Variants in RNF149 observed in about 807,000 individuals in gnomAD.
RNF149 encodes E3 ubiquitin-protein ligase RNF149.
In RNF149, 21 loss-of-function variants were observed where a neutral mutation model predicts 39.0. The observed-to-expected ratio is 0.54, with a 90% CI of 0.38 to 0.77. The LOEUF is 0.77. Ranked by LOEUF, RNF149 falls within the 30% of genes least tolerant of loss-of-function variation. The pLI, the probability that RNF149 is intolerant of heterozygous loss-of-function variation, is 0.00. For missense variants in RNF149, 493 were observed against 534.9 expected, an observed-to-expected ratio of 0.92 and a Z score of 0.77; for synonymous variants, 209 against 213.6, an observed-to-expected ratio of 0.98 and a Z score of 0.19.
At chr2:101,298,294 G>A (rs529389645) in intron 1 of RNF149, among the ~76,000 whole-genome samples, 2 of 152,226 alleles carry the variant, frequency 1.3e-5, no homozygotes, top group South Asian at 4.1e-4. Context: ...GTGTGGTGGT[G>A]CATGTCTGTA....
In RNF149 at chr2:101,294,080, G is replaced by T. The variant is rs779959151; in HGVS notation, c.714C>A (p.Ser238Arg). The T allele has an allele frequency of 2.0e-6, 3 of 1,532,096 alleles. No homozygotes were observed. Among genetic ancestry groups the T allele is most frequent in the Non-Finnish European group, 1.8e-6 (2 of 1,109,050 alleles). The allele number at this position is 1,532,096 out of a possible 1,614,324, so 94.9% of individuals were successfully genotyped here. A position where few individuals can be genotyped will look rare whatever the true frequency, so the allele number is the denominator to read the frequency against. Residue 238 changes from serine (S) to arginine (R), a missense_variant and splice_region_variant, in exon 3 of 7, where the codon AGC becomes AGA. Physicochemically the swap from Ser to Arg is moderately radical, Grantham distance 110 (BLOSUM62 -1). Transcript: ENST00000295317. ...LYTGSQIGSQ[S>R]HRKETKKVIG... ...TAACTTTCTTAGTTTCTTTTCTATG[G>T]CTCTTGGGTAGGAAAATATTAATAC...
chr2:101,294,447 T>C (rs1226388046), intron 2 of RNF149: 1 of 217,082 alleles, frequency 4.6e-6, no homozygotes, highest in Non-Finnish European at 9.1e-6. Flanking sequence ...CACATGCTCA[T>C]CTATTCAAGT....
At chr2:101,307,100 T>C (rs1683694661) in intron 1 of RNF149, among the ~76,000 whole-genome samples, 3 of 152,246 alleles carry the variant, frequency 2.0e-5, no homozygotes, top group Non-Finnish European at 4.4e-5. Context: ...AAAATAAGAC[T>C]TAAACTATGA....
At chr2:101,273,215 G>A (rs80188188), downstream of RNF149, 1,557 of 964,736 alleles carry the variant, frequency 1.6e-3, 12 homozygotes, top group African/African-American at 0.023. Flanking sequence ...CCGAGGAGCC[G>A]AGGAAACAGG....
At chr2:101,295,872 G>A (rs1683212538) in intron 1 of RNF149, among the ~76,000 whole-genome samples, 1 of 151,816 alleles carries the variant, frequency 6.6e-6, no homozygotes, top group African/African-American at 2.4e-5. Context: ...AACCATACAA[G>A]CCAGGTATGG....
At chr2:101,289,088 C>T (rs761220792) in intron 3 of RNF149, 33 bp from the exon 4 acceptor site, 1 of 1,263,682 alleles carries the variant, frequency 7.9e-7, no homozygotes, top group Non-Finnish European at 1.2e-6. Flanking sequence ...TTACTACATT[C>T]TTGGTACACA....
chr2:101,282,451 CT>C (rs1682629788), intron 5 of RNF149, among the ~76,000 whole-genome samples: 1 of 152,008 alleles, frequency 6.6e-6, no homozygotes, highest in Admixed American at 6.6e-5. Context: ...ATAAACAAGG[CT>C]TTTGAACAGA....
At chr2:101,281,169 T>A (rs901674280) in intron 6 of RNF149, among the ~76,000 whole-genome samples, 2 of 152,252 alleles carry the variant, frequency 1.3e-5, no homozygotes, top group Admixed American at 1.3e-4. Flanking sequence ...GTGCTACTGA[T>A]AATACAAACA....
At chr2:101,283,265 C>A (rs1682660940) in intron 5 of RNF149, among the ~76,000 whole-genome samples, 1 of 152,176 alleles carries the variant, frequency 6.6e-6, no homozygotes, top group Non-Finnish European at 1.5e-5. Context: ...GTGCCCTGAC[C>A]CCCTACCAGT....
rs552746407 is a variant in RNF149 at position 101,276,335 on chromosome 2, G to A, written c.*903C>T. ...AGCAAGCAAGTAAAAAAGAAGAAAC[G>A]GTTAAGCAAGGTCATGGTATTAAAT... is the stretch of plus-strand genomic sequence containing the variant. On this transcript the variant is annotated 3_prime_UTR_variant, in exon 7 of 7. Coordinates refer to ENST00000295317, the MANE Select transcript of RNF149 (RefSeq NM_173647.4). 1.2e-5 allele frequency: 12 copies of A among 985,714 alleles called. No homozygotes were observed. Among genetic ancestry groups the A allele is most frequent in the African/African-American group, 3.5e-5 (2 of 57,348 alleles). The allele number at this position is 985,714 out of a possible 1,614,324, so 61.1% of individuals were successfully genotyped here.
chr2:101,273,474 TTC>T (rs1491179800), downstream of RNF149: 3 of 397,096 alleles, frequency 7.6e-6, no homozygotes, highest in African/African-American at 2.1e-5. Context: ...TAATATTTGT[TTC>T]TTTTTTTTTT....
chr2:101,298,629 A>G (rs911873732), intron 1 of RNF149, among the ~76,000 whole-genome samples: 1 of 152,106 alleles, frequency 6.6e-6, no homozygotes, highest in Non-Finnish European at 1.5e-5. Flanking sequence ...CTGTGTGGAC[A>G]GCATGCAGTC....
chr2:101,305,041 A>T (rs1683603132), intron 1 of RNF149, among the ~76,000 whole-genome samples: 1 of 151,950 alleles, frequency 6.6e-6, no homozygotes, highest in African/African-American at 2.4e-5. Flanking sequence ...GGGTTTCACC[A>T]TGTTGGCCAG....
chr2:101,294,830 G>C, intron 2 of RNF149, 101 bp downstream of exon 2: 1 of 1,005,604 alleles, frequency 9.9e-7, no homozygotes, highest in Non-Finnish European at 1.5e-6. Context: ...TAATATAAGC[G>C]AAAATCAAGA....
At position 101,308,349 on chromosome 2, in the gene RNF149, C is replaced by G. The variant is rs1426433427; in HGVS notation, c.240G>C (p.Pro80=). 3 of 1,600,170 alleles carry G rather than the reference C, an allele frequency of 1.9e-6. No individual in the cohort carries two copies. Among genetic ancestry groups the G allele is most frequent in the Non-Finnish European group, 2.6e-6 (3 of 1,175,676 alleles). Reference sequence around the variant, plus strand: ...CCTCGAGGTCTCCGCCGGGCGCCCACGGGACGCCCACCAGGCCATGCGCGC... The same window carrying G: ...CCTCGAGGTCTCCGCCGGGCGCCCAGGGGACGCCCACCAGGCCATGCGCGC... The part of the protein sequence containing the change: ...KEGAHGLVGV[P]WAPGGDLEGC... The change falls in exon 1 of 7, where the codon CCG becomes CCC. Residue 80 remains proline, a synonymous_variant. Transcript: ENST00000295317.
At chr2:101,275,079 G>A (rs187444858), downstream of RNF149, among the ~76,000 whole-genome samples, 2 of 144,654 alleles carry the variant, frequency 1.4e-5, no homozygotes, top group East Asian at 4.2e-4. Flanking sequence ...AGAGGCGTGA[G>A]CCACCACGCC....
Position 101,276,597 on chromosome 2 carries a change from C to T in RNF149, c.*641G>A. 4.1e-6 allele frequency: 4 copies of T among 985,744 alleles called. No homozygotes were observed. Among genetic ancestry groups the T allele is most frequent in the Non-Finnish European group, 4.8e-6 (4 of 829,920 alleles). The allele number at this position is 985,744 out of a possible 1,614,324, so 61.1% of individuals were successfully genotyped here. A position where few individuals can be genotyped will look rare whatever the true frequency, so the allele number is the denominator to read the frequency against. ...AAAATAAACAGATTTCCCTCCCCAA[C>T]AAGGCGTCACAAGAAATGAGGCAAT... is the stretch of plus-strand genomic sequence containing the variant. On this transcript the variant is annotated 3_prime_UTR_variant, in exon 7 of 7. Coordinates refer to ENST00000295317, the MANE Select transcript of RNF149 (RefSeq NM_173647.4).
chr2:101,293,187 A>T (rs939227916), intron 3 of RNF149, among the ~76,000 whole-genome samples: 1 of 152,100 alleles, frequency 6.6e-6, no homozygotes, highest in African/African-American at 2.4e-5. Flanking sequence ...TTTTTGCTTT[A>T]ATCCTTTAAG....
intron 3 of RNF149, among the ~76,000 whole-genome samples, chr2:101,290,137 G>A (rs533034821): frequency 2.1e-4 from 32 of 152,248 alleles, no homozygotes; most frequent in Middle Eastern, 3.4e-3. Context: ...CCAAGATCGC[G>A]CCACTGCCCT....
Sources: allele counts gnomAD v4.1 joint callset (sites outside exome capture counted in the v4.1 genomes callset), GRCh38; gene constraint gnomAD v4.1.1; transcripts MANE v1.5; gene names NCBI Gene and HGNC (gene_info 2026-07-23, HGNC 2026-07-21).